RPRD2: variants seen among roughly 807,000 people sequenced by gnomAD.
RPRD2 encodes regulation of nuclear pre-mRNA domain-containing protein 2.
Under a neutral mutation model 104.4 loss-of-function variants are expected in RPRD2, and 12 were observed. The observed-to-expected ratio is 0.11, with a 90% confidence interval of 0.07 to 0.19. The LOEUF is 0.19. RPRD2 is among the 10% of genes least tolerant of loss of function. The pLI, the probability that RPRD2 is intolerant of heterozygous loss-of-function variation, is 1.00. For synonymous variants in RPRD2, 714 were observed against 684.9 expected (o/e 1.04, Z -0.66); for missense variants, 1,543 against 1,790.1 (o/e 0.86, Z 2.49).
At chr1:150,466,045 A>C (rs1668248978) in intron 10 of RPRD2, among the ~76,000 whole-genome samples, 1 of 147,922 alleles carries the variant, frequency 6.8e-6, no homozygotes, top group Non-Finnish European at 1.5e-5. Flanking sequence ...TTTTTTTATG[A>C]CGCTTCAAGA....
intron 1 of RPRD2, among the ~76,000 whole-genome samples, chr1:150,385,654 GA>G (rs1661509077): frequency 6.6e-6 from 1 of 152,178 alleles, no homozygotes; most frequent in African/African-American, 2.4e-5. Flanking sequence ...CTTTTTGCTA[GA>G]GGTACCCTTA....
chr1:150,364,653 C>G lies in RPRD2; in HGVS notation c.-62C>G. 1.1e-6 allele frequency: 1 copy of G among 888,842 alleles called. No individual in the cohort carries two copies. Among genetic ancestry groups the G allele is most frequent in the Non-Finnish European group, 1.7e-6 (1 of 579,454 alleles). The allele number at this position is 888,842 out of a possible 1,614,324, so 55.1% of individuals were successfully genotyped here. On this transcript the variant is annotated 5_prime_UTR_variant, in exon 1 of 11. Coordinates refer to ENST00000369068, the MANE Select transcript of RPRD2 (RefSeq NM_015203.5). ...GCACTCGCAGTGATTGTTTTGCCCG[C>G]TCCCGCCGCCGCCGCCGCCGCCGCC...
intron 1 of RPRD2, among the ~76,000 whole-genome samples, chr1:150,393,732 A>G (rs1318419161): frequency 1.3e-5 from 2 of 152,082 alleles, no homozygotes; most frequent in African/African-American, 4.8e-5. Flanking sequence ...TATTCTTGCC[A>G]AAAATGTTTA....
In RPRD2 at chr1:150,431,473, A is replaced by ATTTTTTTTTTTTTTTTTTTTTTT. The variant is rs1160491386; in HGVS notation, c.336-9448_336-9426dup. 2.7e-3 allele frequency among the ~76,000 whole-genome samples: 213 copies of ATTTTTTTTTTTTTTTTTTTTTTT among 78,788 alleles called. 20 individuals carry two copies. Among genetic ancestry groups the ATTTTTTTTTTTTTTTTTTTTTTT allele is most frequent in the East Asian group, 6.3e-3 (12 of 1,914 alleles). 51.7% of individuals were successfully genotyped at this position (78,788 alleles called of 152,430 possible). A position where few individuals can be genotyped will look rare whatever the true frequency, so the allele number is the denominator to read the frequency against. On this transcript the variant is annotated intron_variant, in intron 2 of 10. Coordinates refer to ENST00000369068, the MANE Select transcript of RPRD2 (RefSeq NM_015203.5). ...TATTATTCAGTCTTAAAAAGGAAGG[A>ATTTTTTTTTTTTTTTTTTTTTTT]TTTTTTTTTTTTTTTTTTTTTTTTG...
At chr1:150,453,619 A>G (rs1553897072) in intron 7 of RPRD2, among the ~76,000 whole-genome samples, 1 of 152,184 alleles carries the variant, frequency 6.6e-6, no homozygotes, top group East Asian at 1.9e-4. Context: ...TTTTTGTCAT[A>G]TAGTTCCAAT....
intron 9 of RPRD2, 79 bp downstream of exon 9, chr1:150,460,396 TTG>T: frequency 5.8e-6 from 2 of 346,392 alleles, no homozygotes; most frequent in South Asian, 1.0e-4. Flanking sequence ...TTTGGGGGGG[TTG>T]TTGTTGTTGT....
intron 6 of RPRD2, among the ~76,000 whole-genome samples, 159 bp from the exon 7 acceptor site, chr1:150,446,067 C>CAAAAAAAAAAAA (rs5777728): frequency 1.1e-5 from 1 of 93,388 alleles, no homozygotes. Flanking sequence ...GACTCCGTCT[C>CAAAAAAAAAAAA]AAAAAAAAAA....
chr1:150,444,482 G>C, intron 6 of RPRD2, 105 bp downstream of exon 6: 2 of 1,089,854 alleles, frequency 1.8e-6, no homozygotes, highest in Non-Finnish European at 1.3e-6. Context: ...TGGGTAGAAA[G>C]CAGTTGTGGC....
At chr1:150,379,801 A>T (rs1311270142) in intron 1 of RPRD2, among the ~76,000 whole-genome samples, 4 of 152,200 alleles carry the variant, frequency 2.6e-5, no homozygotes, top group Non-Finnish European at 5.9e-5. Context: ...CTCCCTAAGT[A>T]CTGGGATTAC....
chr1:150,427,836 CACTT>C (rs2102309155), intron 2 of RPRD2, among the ~76,000 whole-genome samples: 1 of 152,234 alleles, frequency 6.6e-6, no homozygotes, highest in East Asian at 1.9e-4. Flanking sequence ...TGGGGTATAA[CACTT>C]TCTGTATAGA....
chr1:150,425,828 G>A (rs184813670), intron 2 of RPRD2, among the ~76,000 whole-genome samples: 1 of 150,872 alleles, frequency 6.6e-6, no homozygotes, highest in Admixed American at 6.6e-5. Context: ...AAGTAAGAGA[G>A]GGCTGGGTGT....
chr1:150,441,327 T>C (rs1220608958), intron 3 of RPRD2: 2 of 281,422 alleles, frequency 7.1e-6, no homozygotes, highest in Non-Finnish European at 1.3e-5. Flanking sequence ...GGTTCATTGT[T>C]TGTGTTAATA....
intron 2 of RPRD2, among the ~76,000 whole-genome samples, chr1:150,425,014 T>G (rs1400979998): frequency 2.6e-5 from 4 of 152,200 alleles, no homozygotes; most frequent in African/African-American, 9.6e-5. Context: ...ATACAATGGT[T>G]TAAGACCATA....
intron 1 of RPRD2, among the ~76,000 whole-genome samples, chr1:150,393,870 A>G (rs1662284642): frequency 6.6e-6 from 1 of 152,178 alleles, no homozygotes; most frequent in Non-Finnish European, 1.5e-5. Context: ...ATTGAGAGAT[A>G]ATGAAAATCA....
chr1:150,438,537 G>A (rs1424428582), intron 2 of RPRD2, among the ~76,000 whole-genome samples: 2 of 150,568 alleles, frequency 1.3e-5, no homozygotes, highest in East Asian at 4.0e-4. Context: ...GCGGAGGCAG[G>A]AAAATCGTTT....
At chr1:150,381,083 TC>T (rs1661091837) in intron 1 of RPRD2, among the ~76,000 whole-genome samples, 1 of 152,300 alleles carries the variant, frequency 6.6e-6, no homozygotes, top group South Asian at 2.1e-4. Flanking sequence ...TTTGTTTTGT[TC>T]ACCACTGCAT....
chr1:150,386,991 C>G (rs1363173911), intron 1 of RPRD2, among the ~76,000 whole-genome samples: 3 of 152,074 alleles, frequency 2.0e-5, no homozygotes, highest in Admixed American at 6.6e-5. Context: ...TAGATGTTAA[C>G]TTTTTAAAAT....
At chr1:150,399,784 G>A (rs1333273954) in intron 1 of RPRD2, among the ~76,000 whole-genome samples, 2 of 151,556 alleles carry the variant, frequency 1.3e-5, no homozygotes, top group Non-Finnish European at 2.9e-5. Context: ...GATTGCCCAC[G>A]TATATATATG....
At chr1:150,428,339 G>C (rs1005661632) in intron 2 of RPRD2, among the ~76,000 whole-genome samples, 8 of 151,268 alleles carry the variant, frequency 5.3e-5, no homozygotes, top group African/African-American at 1.9e-4. Flanking sequence ...TGTAATCCCA[G>C]CTACTCGGGA....
Sources: gnomAD v4.1 joint callset for allele counts (sites outside exome capture counted in the v4.1 genomes callset) on GRCh38, gnomAD v4.1.1 for gene constraint, MANE v1.5 for transcripts, NCBI Gene and HGNC (gene_info 2026-07-23, HGNC 2026-07-21) for gene names.